The following FGF12 variants were observed in gnomAD, a reference collection of about 807,000 sequenced individuals.
The protein encoded by FGF12 is fibroblast growth factor 12B.
FGF12 carries 14 observed loss-of-function variants against 23.6 expected under a neutral mutation model. The ratio of observed to expected loss-of-function variants is 0.59; its 90% confidence interval spans 0.39 to 0.93. The LOEUF is 0.93. FGF12 is among the 40% of genes least tolerant of loss of function. FGF12 has a pLI of 0.00. For missense variants in FGF12, 175 were observed against 217.8 expected, an observed-to-expected ratio of 0.80 and a Z score of 1.24; for synonymous variants, 62 against 77.3, an observed-to-expected ratio of 0.80 and a Z score of 1.04.
chr3:192,534,723 T>C (rs955494536), intron 2 of FGF12, among the ~76,000 whole-genome samples: 2 of 152,190 alleles, frequency 1.3e-5, no homozygotes, highest in Admixed American at 1.3e-4. Context: ...TTATTTGATG[T>C]TCTTTGCAGT....
chr3:192,164,672 C>A (rs561889759), intron 5 of FGF12, among the ~76,000 whole-genome samples: 2 of 152,172 alleles, frequency 1.3e-5, no homozygotes, highest in Non-Finnish European at 2.9e-5. Context: ...GGCTTTTCCT[C>A]CCTAAGAGGA....
chr3:192,528,062 A>C (rs1490553807), intron 2 of FGF12, among the ~76,000 whole-genome samples: 1 of 151,886 alleles, frequency 6.6e-6, no homozygotes, highest in Admixed American at 6.6e-5. Flanking sequence ...CCCCTCCCAA[A>C]TCTCATATCC....
chr3:192,529,679 C>T (rs1435177949), intron 2 of FGF12, among the ~76,000 whole-genome samples: 1 of 152,066 alleles, frequency 6.6e-6, no homozygotes, highest in Non-Finnish European at 1.5e-5. Flanking sequence ...CCACCTGGCT[C>T]GGGGGGCATC....
intron 2 of FGF12, among the ~76,000 whole-genome samples, chr3:192,508,453 T>C (rs1390950302): frequency 6.6e-6 from 1 of 152,204 alleles, no homozygotes; most frequent in Non-Finnish European, 1.5e-5. Flanking sequence ...GAAACTGAGA[T>C]AACAGATCTA....
At chr3:192,164,617 CAAAAGAACA>C (rs1197506944) in intron 5 of FGF12, among the ~76,000 whole-genome samples, 1 of 151,930 alleles carries the variant, frequency 6.6e-6, no homozygotes, top group East Asian at 1.9e-4. Flanking sequence ...CAGGAAAAAA[CAAAAGAACA>C]AAAGCAAAAC....
intron 2 of FGF12, among the ~76,000 whole-genome samples, chr3:192,413,047 T>G (rs1721243288): frequency 1.3e-5 from 2 of 152,162 alleles, no homozygotes; most frequent in Non-Finnish European, 2.9e-5. Context: ...TGTAGTTATA[T>G]TTAGTTATAT....
chr3:192,683,350 A>G (rs1409482477), intron 2 of FGF12, among the ~76,000 whole-genome samples: 1 of 152,194 alleles, frequency 6.6e-6, no homozygotes, highest in Non-Finnish European at 1.5e-5. Flanking sequence ...TATAATTTAT[A>G]TGTGTTCTCA....
intron 4 of FGF12, among the ~76,000 whole-genome samples, chr3:192,292,057 A>G (rs1714784493): frequency 6.6e-6 from 1 of 152,228 alleles, no homozygotes; most frequent in South Asian, 2.1e-4. Context: ...ACACTCAACC[A>G]AAATATGAAA....
intron 2 of FGF12, among the ~76,000 whole-genome samples, chr3:192,655,639 A>G (rs1000898103): frequency 6.6e-5 from 10 of 152,216 alleles, no homozygotes; most frequent in African/African-American, 2.4e-4. Context: ...CCCCCAAAAT[A>G]TAAGTAAAAT....
At chr3:192,670,758 G>A (rs771263549) in intron 2 of FGF12, among the ~76,000 whole-genome samples, 7 of 152,282 alleles carry the variant, frequency 4.6e-5, no homozygotes, top group South Asian at 2.1e-4. Flanking sequence ...ACATCAATAA[G>A]AATGGTTAAA....
At chr3:192,707,105 A>G (rs1718496115) in intron 2 of FGF12, among the ~76,000 whole-genome samples, 1 of 152,218 alleles carries the variant, frequency 6.6e-6, no homozygotes, top group African/African-American at 2.4e-5. Flanking sequence ...AGGAAACTGA[A>G]ACATCTCTAA....
intron 2 of FGF12, among the ~76,000 whole-genome samples, chr3:192,559,710 G>T (rs1711933632): frequency 6.6e-6 from 1 of 152,012 alleles, no homozygotes; most frequent in African/African-American, 2.4e-5. Context: ...AAGTGCCACT[G>T]AGGTGGGAGA....
intron 4 of FGF12, among the ~76,000 whole-genome samples, chr3:192,221,880 T>C (rs1372186320): frequency 6.6e-6 from 1 of 152,120 alleles, no homozygotes; most frequent in African/African-American, 2.4e-5. Flanking sequence ...ACCAAGGTTA[T>C]ATGGTGTGAG....
intron 2 of FGF12, among the ~76,000 whole-genome samples, chr3:192,427,880 T>C (rs1455355500): frequency 6.6e-6 from 1 of 152,218 alleles, no homozygotes; most frequent in East Asian, 1.9e-4. Context: ...CAGCCTCTTC[T>C]CATGCCTGCT....
At chr3:192,623,694 T>C (rs1420718949) in intron 2 of FGF12, among the ~76,000 whole-genome samples, 1 of 152,160 alleles carries the variant, frequency 6.6e-6, no homozygotes, top group Non-Finnish European at 1.5e-5. Flanking sequence ...CATAAACGAG[T>C]CACTGCAGTG....
intron 2 of FGF12, among the ~76,000 whole-genome samples, chr3:192,661,173 A>G (rs1214365210): frequency 6.6e-6 from 1 of 152,184 alleles, no homozygotes; most frequent in East Asian, 1.9e-4. Flanking sequence ...AAGGTAACAA[A>G]ATAGCCAAAT....
intron 2 of FGF12, among the ~76,000 whole-genome samples, chr3:192,622,386 A>G (rs1715007604): frequency 6.6e-6 from 1 of 152,160 alleles, no homozygotes. Context: ...TAGGAGTCCA[A>G]TCCTTGGATC....
intron 4 of FGF12, among the ~76,000 whole-genome samples, chr3:192,298,206 G>C (rs887398336): frequency 1.3e-5 from 2 of 152,144 alleles, no homozygotes; most frequent in Admixed American, 1.3e-4. Flanking sequence ...GTTGAGCTCT[G>C]CTATCTGCAA....
chr3:192,441,216 C>T (rs529302360), intron 2 of FGF12, among the ~76,000 whole-genome samples: 1 of 152,212 alleles, frequency 6.6e-6, no homozygotes, highest in Non-Finnish European at 1.5e-5. Context: ...AGATAGTATA[C>T]TTTAAAGCAA....
Sources: allele counts gnomAD v4.1 joint callset (sites outside exome capture counted in the v4.1 genomes callset), GRCh38; gene constraint gnomAD v4.1.1; transcripts MANE v1.5; gene names NCBI Gene and HGNC (gene_info 2026-07-23, HGNC 2026-07-21).